Variants in ERBB4 observed in about 807,000 individuals in gnomAD.
The protein encoded by ERBB4 is receptor tyrosine-protein kinase erbB-4.
Under a neutral mutation model 158.0 loss-of-function variants are expected in ERBB4, and 42 were observed. The ratio of observed to expected loss-of-function variants is 0.27; its 90% CI spans 0.21 to 0.34. The LOEUF (loss-of-function observed/expected upper bound fraction) is 0.34, where lower values mean the gene tolerates loss of function less well. Among genes scored for constraint, ERBB4 ranks in the 10% least tolerant of loss-of-function variants. The pLI, the probability that ERBB4 is intolerant of heterozygous loss-of-function variation, is 1.00. For synonymous variants in ERBB4, 583 were observed against 558.7 expected (o/e 1.04, Z -0.61); for missense variants, 1,333 against 1,624.1 (o/e 0.82, Z 3.08).
intron 1 of ERBB4, among the ~76,000 whole-genome samples, chr2:212,376,738 T>C (rs1047658012): frequency 1.4e-4 from 21 of 152,184 alleles, no homozygotes; most frequent in African/African-American, 5.1e-4. Flanking sequence ...CTCAGTTTTT[T>C]AGGAATGGAC....
chr2:212,236,199 C>A (rs1449561252), intron 1 of ERBB4, among the ~76,000 whole-genome samples: 1 of 152,084 alleles, frequency 6.6e-6, no homozygotes, highest in Non-Finnish European at 1.5e-5. Flanking sequence ...TTATAGGAGG[C>A]CTCTTCTGCA....
At chr2:211,798,760 T>G (rs751327786) in intron 3 of ERBB4, among the ~76,000 whole-genome samples, 2 of 152,120 alleles carry the variant, frequency 1.3e-5, no homozygotes, top group African/African-American at 4.8e-5. Context: ...ATTTTAGAGA[T>G]AGATATATTG....
At chr2:211,495,781 T>C (rs34856830) in intron 20 of ERBB4, among the ~76,000 whole-genome samples, 67,217 of 151,856 alleles carry the variant, frequency 0.44, 16,161 homozygotes, top group African/African-American at 0.64. Flanking sequence ...AACTAACTTG[T>C]AAATAATCTT....
chr2:211,513,070 A>G (rs181537395), intron 20 of ERBB4, among the ~76,000 whole-genome samples: 156 of 152,160 alleles, frequency 1.0e-3, no homozygotes, highest in Non-Finnish European at 2.0e-3. Context: ...CTTACACAAA[A>G]CACTGGTCTG....
intron 1 of ERBB4, among the ~76,000 whole-genome samples, chr2:212,292,547 G>A (rs1382699077): frequency 6.6e-6 from 1 of 151,820 alleles, no homozygotes; most frequent in Non-Finnish European, 1.5e-5. Context: ...ATTAAAATTA[G>A]TTTAGATCTA....
At chr2:212,341,414 G>C (rs191570766) in intron 1 of ERBB4, among the ~76,000 whole-genome samples, 129 of 151,850 alleles carry the variant, frequency 8.5e-4, no homozygotes, top group Middle Eastern at 3.4e-3. Context: ...CTACAGTGTT[G>C]TTCAAATTCT....
intron 1 of ERBB4, among the ~76,000 whole-genome samples, chr2:212,150,122 A>G (rs145417607): frequency 0.016 from 2,467 of 152,288 alleles, 38 homozygotes; most frequent in Admixed American, 0.034. Flanking sequence ...GGTGGCTTAG[A>G]AAAGCAGAAA....
intron 1 of ERBB4, among the ~76,000 whole-genome samples, chr2:212,476,956 G>A (rs1407215943): frequency 6.6e-6 from 1 of 151,994 alleles, no homozygotes; most frequent in African/African-American, 2.4e-5. Flanking sequence ...TTTCATAATG[G>A]CCTTTGGAAC....
At chr2:212,267,518 A>G (rs1329414837) in intron 1 of ERBB4, among the ~76,000 whole-genome samples, 3 of 151,612 alleles carry the variant, frequency 2.0e-5, no homozygotes, top group Non-Finnish European at 4.4e-5. Flanking sequence ...GAAACTCAGC[A>G]TTGAAATAAG....
At chr2:211,752,502 AAAAG>A (rs1432660891) in intron 4 of ERBB4, among the ~76,000 whole-genome samples, 19 of 142,444 alleles carry the variant, frequency 1.3e-4, no homozygotes, top group African/African-American at 4.4e-4. Context: ...AAAAAAAAAA[AAAAG>A]AAAAGAAAAG....
intron 1 of ERBB4, among the ~76,000 whole-genome samples, chr2:212,536,556 C>G (rs934892474): frequency 2.0e-5 from 3 of 152,158 alleles, no homozygotes; most frequent in African/African-American, 7.2e-5. Context: ...AATGGGCTCA[C>G]TTGTGGGTCT....
intron 3 of ERBB4, among the ~76,000 whole-genome samples, chr2:211,934,934 A>T (rs1291202663): frequency 1.3e-5 from 2 of 149,712 alleles, no homozygotes; most frequent in South Asian, 4.2e-4. Context: ...GCTAAAAAAA[A>T]AAAAAAACTG....
chr2:212,537,477 G>A (rs542671073), intron 1 of ERBB4, among the ~76,000 whole-genome samples: 132 of 152,166 alleles, frequency 8.7e-4, no homozygotes, highest in Non-Finnish European at 1.4e-3. Flanking sequence ...CAGCCCCGCC[G>A]CGCTGCCTCT....
intron 1 of ERBB4, among the ~76,000 whole-genome samples, chr2:212,531,862 T>G (rs984353296): frequency 6.6e-6 from 1 of 152,340 alleles, no homozygotes; most frequent in African/African-American, 2.4e-5. Flanking sequence ...AATCCTCTTA[T>G]AGAACGATGT....
intron 3 of ERBB4, among the ~76,000 whole-genome samples, chr2:211,854,044 T>C (rs1363546317): frequency 1.3e-5 from 2 of 152,098 alleles, no homozygotes; most frequent in Admixed American, 6.6e-5. Flanking sequence ...GTAGATCTTA[T>C]CCACCCAAAG....
At chr2:212,336,743 G>A (rs1376920733) in intron 1 of ERBB4, among the ~76,000 whole-genome samples, 4 of 152,008 alleles carry the variant, frequency 2.6e-5, no homozygotes. Flanking sequence ...ACATTTTAGT[G>A]GACTCACTCT....
chr2:212,074,122 C>T (rs1249099443), intron 2 of ERBB4, among the ~76,000 whole-genome samples: 1 of 151,896 alleles, frequency 6.6e-6, no homozygotes, highest in East Asian at 1.9e-4. Flanking sequence ...AAAATTCTGC[C>T]AAAACTTAGC....
intron 2 of ERBB4, among the ~76,000 whole-genome samples, chr2:212,023,927 T>A (rs1421840630): frequency 6.6e-6 from 1 of 151,616 alleles, no homozygotes; most frequent in East Asian, 1.9e-4. Context: ...ATATTGGCTT[T>A]TTTTTTTTAG....
intron 4 of ERBB4, among the ~76,000 whole-genome samples, chr2:211,771,497 T>C (rs57367594): frequency 0.15 from 22,375 of 152,208 alleles, 1,858 homozygotes; most frequent in South Asian, 0.33. Context: ...TTCTAAACCT[T>C]TTAGTCAAAC....
Sources: allele counts gnomAD v4.1 joint callset (sites outside exome capture counted in the v4.1 genomes callset), GRCh38; gene constraint gnomAD v4.1.1; transcripts MANE v1.5; gene names NCBI Gene and HGNC (gene_info 2026-07-23, HGNC 2026-07-21).